MTOR: variants seen among roughly 807,000 people sequenced by gnomAD.
MTOR encodes serine/threonine-protein kinase mTOR.
A neutral mutation model predicts 319.8 loss-of-function variants in MTOR; 70 were observed. That is an observed-to-expected ratio of 0.22 (90% CI 0.18 to 0.27). The LOEUF (loss-of-function observed/expected upper bound fraction) is 0.27. Ranked by LOEUF, MTOR falls within the 10% of genes least tolerant of loss-of-function variation. The pLI, the probability that MTOR is intolerant of heterozygous loss-of-function variation, is 1.00. For missense variants in MTOR, 1,890 were observed against 3,274.4 expected (o/e 0.58, Z 10.32); for synonymous variants, 1,183 against 1,211.4 (o/e 0.98, Z 0.49).
At chr1:11,138,405 T>C (rs992512814) in intron 36 of MTOR, among the ~76,000 whole-genome samples, 1 of 152,208 alleles carries the variant, frequency 6.6e-6, no homozygotes, top group African/African-American at 2.4e-5. Flanking sequence ...ACCAGGTGCC[T>C]GGGTACAGGC....
rs767483973 is a variant in MTOR, at chr1:11,172,557, CAAAAAAAAAAAA to C, written c.4254-5052_4254-5041del. On this transcript the variant is annotated intron_variant, in intron 28 of 57. Coordinates refer to ENST00000361445, the MANE Select transcript of MTOR (RefSeq NM_004958.4). ...CCTGGGTGACCGCGAGACTCTGTCT[CAAAAAAAAAAAA>C]AAAAAAAAATACAACTTTGGGCCAG... Among the ~76,000 whole-genome samples, 3 of 56,304 alleles carry C rather than the reference CAAAAAAAAAAAA, an allele frequency of 5.3e-5. No homozygotes were observed. In the South Asian group the frequency reaches 1.5e-3, roughly 28 times the overall value. 36.9% of individuals were successfully genotyped at this position (56,304 alleles called of 152,430 possible).
At chr1:11,176,457 G>C (rs1644997227) in intron 28 of MTOR, among the ~76,000 whole-genome samples, 1 of 152,222 alleles carries the variant, frequency 6.6e-6, no homozygotes, top group East Asian at 1.9e-4. Flanking sequence ...CTCCCATCAG[G>C]AATGTATGAG....
chr1:11,174,484 A>C (rs949320053), intron 28 of MTOR, among the ~76,000 whole-genome samples: 1 of 152,198 alleles, frequency 6.6e-6, no homozygotes, highest in Non-Finnish European at 1.5e-5. Flanking sequence ...GCATGCCATC[A>C]CAGCAGGCTT....
In MTOR at chr1:11,130,648, C is replaced by T. The variant is rs369088781; in HGVS notation, c.5494G>A (p.Ala1832Thr). 1.7e-5 allele frequency: 27 copies of T among 1,611,262 alleles called. No individual in the cohort carries two copies. In the African/African-American group the frequency reaches 2.3e-4, roughly 14 times the overall value. ...GANITNATTA[A>T]TTAATATTTA... ...GTGGTGGCAGTGGCGGCCGTGGTGG[C>T]GGCAGTGGTGGCGTTGGTGATGTTG... Residue 1832 changes from alanine to threonine, a missense_variant, in exon 39 of 58, where the codon GCC (alanine) becomes ACC (threonine). Coordinates refer to ENST00000361445, the MANE Select transcript of MTOR (RefSeq NM_004958.4).
At chr1:11,234,749 G>A (rs1647138440) in intron 13 of MTOR, among the ~76,000 whole-genome samples, 1 of 152,204 alleles carries the variant, frequency 6.6e-6, no homozygotes, top group East Asian at 1.9e-4. Flanking sequence ...CTGATACTCT[G>A]TAGCTGTTTG....
chr1:11,164,617 A>C (rs1191217714), intron 29 of MTOR, among the ~76,000 whole-genome samples: 1 of 152,172 alleles, frequency 6.6e-6, no homozygotes, highest in Non-Finnish European at 1.5e-5. Context: ...CCTACCAAAC[A>C]AAAAAAGTCC....
At chr1:11,189,806 G>C in intron 28 of MTOR, 1 of 1,614,232 alleles carries the variant, frequency 6.2e-7, no homozygotes, top group Non-Finnish European at 8.5e-7. Context: ...GACTGGGTCA[G>C]CGTGGTCATG....
chr1:11,221,740 CTATA>C (rs879459539), intron 19 of MTOR, among the ~76,000 whole-genome samples: 1 of 145,494 alleles, frequency 6.9e-6, no homozygotes, highest in Non-Finnish European at 1.5e-5. Flanking sequence ...TATATATATT[CTATA>C]TATATAGAAA....
rs2100431364 is a variant in MTOR at position 11,130,635 on chromosome 1, G to A, written c.5507C>T (p.Ala1836Val). The A allele has an allele frequency of 2.5e-6, 4 of 1,613,864 alleles. No homozygotes were observed. The highest frequency in any genetic ancestry group is 2.2e-5 in the South Asian group (2 of 91,004). Residue 1836 changes from alanine to valine, a missense_variant, in exon 39 of 58, where the codon GCC (alanine) becomes GTC (valine). By Grantham distance (64) the Ala-to-Val change is moderately conservative. Around this residue, in one of 15 missense-constraint regions of MTOR, gnomAD observed 91 missense variants for 90.4 expected, o/e 1.01. Coordinates refer to ENST00000361445, the MANE Select transcript of MTOR (RefSeq NM_004958.4). ...GGTGCTGGCAGTGGTGGTGGCAGTG[G>A]CGGCCGTGGTGGCGGCAGTGGTGGC... ...TNATTAATTAATATTTASTEG... is the reference protein window; with the variant it reads ...TNATTAATTAVTATTTASTEG...
At chr1:11,116,668 A>G (rs761277595) in intron 50 of MTOR, among the ~76,000 whole-genome samples, 2 of 152,136 alleles carry the variant, frequency 1.3e-5, no homozygotes, top group South Asian at 2.1e-4. Context: ...TCCTTGAACT[A>G]TGTGGGGCTT....
intron 28 of MTOR, among the ~76,000 whole-genome samples, chr1:11,186,082 C>CAA (rs765868801): frequency 0.022 from 875 of 40,582 alleles, 37 homozygotes; most frequent in African/African-American, 0.053. Context: ...GACTCCGTCT[C>CAA]AAAAAAAAAA....
At chr1:11,173,109 T>C (rs568624976) in intron 28 of MTOR, among the ~76,000 whole-genome samples, 1 of 152,210 alleles carries the variant, frequency 6.6e-6, no homozygotes, top group East Asian at 1.9e-4. Context: ...TTCTCCTGTC[T>C]TAGCCTCCTG....
intron 8 of MTOR, among the ~76,000 whole-genome samples, chr1:11,247,382 G>A (rs903286162): frequency 1.3e-5 from 2 of 152,166 alleles, no homozygotes; most frequent in Non-Finnish European, 2.9e-5. Context: ...TTGTGAACTT[G>A]TTGGCATCCA....
Position 11,153,281 on chromosome 1 carries a change from G to A in MTOR, c.4470-3055C>T, listed in dbSNP as rs562697853. 1.8e-3 allele frequency among the ~76,000 whole-genome samples: 272 copies of A among 152,300 alleles called. 1 individual carries two copies. Among genetic ancestry groups the A allele is most frequent in the African/African-American group, 6.2e-3 (257 of 41,572 alleles). On this transcript the variant is annotated intron_variant, in intron 30 of 57. Transcript: ENST00000361445. ...AGGCAGAAGAAGAGGGCAATTCAAA[G>A]AATGGAACGAATGAATGTAGGACTT...
intron 34 of MTOR, among the ~76,000 whole-genome samples, chr1:11,141,918 G>A (rs1016599343): frequency 6.6e-6 from 1 of 151,268 alleles, no homozygotes. Context: ...GAAGAATGGC[G>A]TGAACTTGGG....
intron 13 of MTOR, among the ~76,000 whole-genome samples, chr1:11,237,460 C>A (rs1647360158): frequency 6.6e-6 from 1 of 152,068 alleles, no homozygotes; most frequent in African/African-American, 2.4e-5. Flanking sequence ...CCGTGCTTGA[C>A]CTGGCACCAG....
At chr1:11,203,244 C>T (rs577049889) in intron 26 of MTOR, among the ~76,000 whole-genome samples, 1 of 150,992 alleles carries the variant, frequency 6.6e-6, no homozygotes, top group African/African-American at 2.4e-5. Flanking sequence ...AACAAAAAAA[C>T]CAACCAAACA....
chr1:11,230,514 C>G (rs572463316), intron 18 of MTOR, among the ~76,000 whole-genome samples: 1 of 152,292 alleles, frequency 6.6e-6, no homozygotes, highest in East Asian at 1.9e-4. Context: ...GGCCCTGAGC[C>G]TCGCCTCTGA....
At position 11,212,973 on chromosome 1, in the gene MTOR, G is replaced by T; in HGVS notation, c.3286-65C>A. The T allele has an allele frequency of 1.6e-6, 2 of 1,281,446 alleles. No individual in the cohort carries two copies. Among genetic ancestry groups the T allele is most frequent in the African/African-American group, 1.5e-5 (1 of 68,522 alleles). 79.4% of individuals were successfully genotyped at this position (1,281,446 alleles called of 1,614,324 possible). ...TCCCAAGTATCTAAGGACACGCAGC[G>T]GGTGGTGGTGTAGACAATTCAAAGT... On this transcript the variant is annotated intron_variant, in intron 21 of 57. Transcript: ENST00000361445. This position sits in a 1 kb window ranked among gnomAD's most constrained non-coding sequence, Gnocchi z 4.1.
Sources: allele counts gnomAD v4.1 joint callset (sites outside exome capture counted in the v4.1 genomes callset), GRCh38; gene constraint gnomAD v4.1.1; regional missense constraint gnomAD v4.1.1; non-coding constraint Gnocchi (gnomAD v3.1); transcripts MANE v1.5; gene names NCBI Gene and HGNC (gene_info 2026-07-23, HGNC 2026-07-21).